Variants in COL9A1 observed in about 807,000 individuals in gnomAD.
COL9A1 encodes collagen type IX alpha 1 chain.
In COL9A1, 104 loss-of-function variants were observed where a neutral mutation model predicts 142.6. The ratio of observed to expected loss-of-function variants is 0.73; its 90% CI spans 0.62 to 0.86. The LOEUF (loss-of-function observed/expected upper bound fraction) is 0.86. Among genes scored for constraint, COL9A1 ranks in the 40% least tolerant of loss-of-function variants. COL9A1 has a pLI of 0.00. For missense variants in COL9A1, 1,210 were observed against 1,176.6 expected (o/e 1.03, Z -0.42); for synonymous variants, 466 against 396.0 (o/e 1.18, Z -2.10).
rs754424675 is a variant in COL9A1 at position 70,302,956 on chromosome 6, G to C, written c.-32C>G. ...AGTTGATTTTCTTTGTTTGCCAACA[G>C]TCCCTATGAAGAAGGGGTTGGAAGG... On this transcript the variant is annotated 5_prime_UTR_variant, in exon 1 of 38. Transcript: ENST00000357250. The C allele has an allele frequency of 2.5e-6, 4 of 1,612,628 alleles. No homozygotes were observed. The East Asian group carries it at 8.9e-5, about 36-fold the overall frequency.
At chr6:70,256,607 A>G (rs112754347) in intron 21 of COL9A1, among the ~76,000 whole-genome samples, 161 bp downstream of exon 21, 1 of 152,146 alleles carries the variant, frequency 6.6e-6, no homozygotes, top group East Asian at 1.9e-4. Flanking sequence ...TGTACCCGAG[A>G]AAGATACCTG....
rs1773755550 is a variant in COL9A1 at position 70,294,108 on chromosome 6, T to C, written c.696+59A>G. ...CTGATTATCAAAGATGCTTGAGATG[T>C]TCATTTTTACCAATCTAGTTTTGCT... On this transcript the variant is annotated intron_variant, in intron 5 of 37. Coordinates refer to ENST00000357250, the MANE Select transcript of COL9A1 (RefSeq NM_001851.6). The C allele has an allele frequency of 2.5e-6, 4 of 1,600,576 alleles. No individual in the cohort carries two copies. In the East Asian group the frequency reaches 8.9e-5, roughly 36 times the overall value.
At chr6:70,293,089 T>C (rs143414555) in intron 5 of COL9A1, among the ~76,000 whole-genome samples, 139 of 152,316 alleles carry the variant, frequency 9.1e-4, no homozygotes, top group African/African-American at 3.2e-3. Context: ...CTTTTCTTCT[T>C]TGGAGACATG....
chr6:70,294,289 C>T lies in COL9A1; in HGVS notation c.574G>A (p.Ala192Thr). ...CTGTTGCAGTCAACAAAAAGAGTAG[C>T]ACTACTCCTCTCCACGCCAATCATG... ...KIMIGVERSS[A>T]TLFVDCNRIE... Residue 192 changes from alanine (A) to threonine (T), a missense_variant, in exon 5 of 38, where the codon GCT (alanine) becomes ACT (threonine). By Grantham distance (58) the Ala-to-Thr change is moderately conservative. Coordinates refer to ENST00000357250, the MANE Select transcript of COL9A1 (RefSeq NM_001851.6). 6.2e-7 allele frequency: 1 copy of T among 1,614,036 alleles called. No individual in the cohort carries two copies. The highest frequency in any genetic ancestry group is 8.5e-7 in the Non-Finnish European group (1 of 1,179,946).
At chr6:70,290,619 A>G (rs2127603177) in intron 5 of COL9A1, among the ~76,000 whole-genome samples, 1 of 132,122 alleles carries the variant, frequency 7.6e-6, no homozygotes, top group East Asian at 2.4e-4. Context: ...AATAGCAAAC[A>G]AGTACCATAT....
At chr6:70,285,460 C>T (rs1017846279) in intron 5 of COL9A1, among the ~76,000 whole-genome samples, 2 of 152,224 alleles carry the variant, frequency 1.3e-5, no homozygotes, top group African/African-American at 4.8e-5. Flanking sequence ...GATTTTCACA[C>T]ATTTCTCATT....
At chr6:70,283,185 A>C in intron 6 of COL9A1, 11 of 1,492,170 alleles carry the variant, frequency 7.4e-6, no homozygotes, top group Non-Finnish European at 8.0e-6. Context: ...CGGTTGCCAA[A>C]GCGTCCAGGC....
chr6:70,241,918 A>G (rs1265257241), intron 30 of COL9A1, 46 bp downstream of exon 30: 2 of 1,501,760 alleles, frequency 1.3e-6, no homozygotes, highest in East Asian at 2.4e-5. Context: ...CATGGTAGAA[A>G]TCACCCTTCC....
Position 70,287,082 on chromosome 6 carries a change from T to C in COL9A1, c.697-3262A>G, listed in dbSNP as rs144451219. Among the ~76,000 whole-genome samples the C allele has an allele frequency of 5.1e-3, 774 of 152,258 alleles. 4 individuals carry two copies. The highest frequency in any genetic ancestry group is 8.0e-3 in the Non-Finnish European group (545 of 68,024). On this transcript the variant is annotated intron_variant, in intron 5 of 37. Transcript: ENST00000357250. ...GCTCAGGTCATCAATGAAGGGATCA[T>C]ATAACACGCGCATATATGTGCATGC...
chr6:70,238,697 A>C (rs1770059163), intron 33 of COL9A1, among the ~76,000 whole-genome samples: 1 of 152,236 alleles, frequency 6.6e-6, no homozygotes, highest in Non-Finnish European at 1.5e-5. Flanking sequence ...AGTCATTTAC[A>C]ATATGAAAGA....
chr6:70,261,172 A>G (rs1380731803), intron 19 of COL9A1: 1 of 165,600 alleles, frequency 6.0e-6, no homozygotes, highest in African/African-American at 2.4e-5. Flanking sequence ...AAAGCCTATA[A>G]CCTAGAAAGG....
At chr6:70,266,660 G>T in intron 18 of COL9A1, 57 bp downstream of exon 18, 1 of 1,305,972 alleles carries the variant, frequency 7.7e-7, no homozygotes, top group Non-Finnish European at 1.1e-6. Flanking sequence ...TTCTTATAAT[G>T]AAAGTGACCA....
rs753682260 is a variant in COL9A1 at position 70,260,664 on chromosome 6, C to T, written c.1442G>A (p.Gly481Glu). The change falls in exon 20 of 38, where the codon GGG becomes GAG. Residue 481 changes from glycine to glutamate, a missense_variant. Physicochemically the swap from Gly to Glu is moderately conservative, Grantham distance 98 (BLOSUM62 -2). Coordinates refer to ENST00000357250, the MANE Select transcript of COL9A1 (RefSeq NM_001851.6). ...TTGTCATCACCATCTTACTTTTTCC[C>T]CTTTGTCCCCAACTATGCCGGTGAT... is the stretch of plus-strand genomic sequence containing the variant. ...RGITGIVGDK[G>E]EKGARGLDGE... 6.2e-7 allele frequency: 1 copy of T among 1,613,730 alleles called. No homozygotes were observed. Among genetic ancestry groups the T allele is most frequent in the Admixed American group, 1.7e-5 (1 of 60,006 alleles).
intron 37 of COL9A1, among the ~76,000 whole-genome samples, chr6:70,219,547 TC>T (rs1768739589): frequency 6.6e-6 from 1 of 152,132 alleles, no homozygotes; most frequent in Non-Finnish European, 1.5e-5. Context: ...ATTAAGAAAT[TC>T]CCCCACTGTT....
chr6:70,286,846 A>G (rs996941110), intron 5 of COL9A1, among the ~76,000 whole-genome samples: 5 of 152,368 alleles, frequency 3.3e-5, no homozygotes, highest in African/African-American at 1.2e-4. Flanking sequence ...CTACAGCAGA[A>G]TGGTGAAAGG....
chr6:70,218,711 T>C (rs2127545829), intron 37 of COL9A1, among the ~76,000 whole-genome samples: 1 of 150,862 alleles, frequency 6.6e-6, no homozygotes, highest in Non-Finnish European at 1.5e-5. Context: ...CTTTTGTTGG[T>C]CTTACTGTAG....
intron 6 of COL9A1, 54 bp from the exon 7 acceptor site, chr6:70,282,972 G>T: frequency 6.2e-7 from 1 of 1,614,100 alleles, no homozygotes; most frequent in Non-Finnish European, 8.5e-7. Flanking sequence ...AAACTCGATC[G>T]CAACTTACTT....
chr6:70,259,332 A>G (rs1771525234), intron 20 of COL9A1, among the ~76,000 whole-genome samples: 1 of 152,174 alleles, frequency 6.6e-6, no homozygotes, highest in South Asian at 2.1e-4. Flanking sequence ...TAGAAGTTAT[A>G]AAGAGAATGA....
chr6:70,228,370 TG>T (rs1457842080), intron 36 of COL9A1, among the ~76,000 whole-genome samples: 2 of 152,148 alleles, frequency 1.3e-5, no homozygotes, highest in Non-Finnish European at 2.9e-5. Context: ...CTTAGTTAAC[TG>T]GTCCTAAATG....
Sources: allele counts gnomAD v4.1 joint callset (sites outside exome capture counted in the v4.1 genomes callset), GRCh38; gene constraint gnomAD v4.1.1; transcripts MANE v1.5; gene names NCBI Gene and HGNC (gene_info 2026-07-23, HGNC 2026-07-21).